Variants in KCND3 observed in about 807,000 individuals in gnomAD.
KCND3 encodes the protein potassium voltage-gated channel subfamily D member 3.
A neutral mutation model predicts 51.1 loss-of-function variants in KCND3; 9 were observed. The ratio of observed to expected loss-of-function variants is 0.18; its 90% CI spans 0.11 to 0.31. The LOEUF is 0.31. Ranked by LOEUF, KCND3 falls within the 10% of genes least tolerant of loss-of-function variation. KCND3 has a pLI of 1.00. For missense variants in KCND3, 526 were observed against 903.8 expected, an observed-to-expected ratio of 0.58 and a Z score of 5.36; for synonymous variants, 349 against 368.0, an observed-to-expected ratio of 0.95 and a Z score of 0.59.
intron 2 of KCND3, among the ~76,000 whole-genome samples, chr1:111,873,541 G>A (rs1486832705): frequency 2.0e-5 from 3 of 152,148 alleles, no homozygotes; most frequent in Non-Finnish European, 2.9e-5. Context: ...GAATAAGAGA[G>A]TGATGTTTTG....
chr1:111,946,918 T>C (rs540233174), intron 2 of KCND3, among the ~76,000 whole-genome samples: 70 of 152,348 alleles, frequency 4.6e-4, no homozygotes, highest in Non-Finnish European at 7.8e-4. Context: ...AATGGCAGAC[T>C]CAGGATTAGT....
chr1:111,969,767 C>T (rs1418979989), intron 2 of KCND3, among the ~76,000 whole-genome samples: 2 of 152,152 alleles, frequency 1.3e-5, no homozygotes, highest in African/African-American at 4.8e-5. Flanking sequence ...CACCTTCTGG[C>T]TAACAACCCT....
At chr1:111,777,773 G>A (rs769595888) in intron 6 of KCND3, among the ~76,000 whole-genome samples, 13 of 152,194 alleles carry the variant, frequency 8.5e-5, no homozygotes, top group Non-Finnish European at 1.9e-4. Flanking sequence ...GGAGAGCACT[G>A]ATCCTGAAGG....
At chr1:111,805,009 T>C (rs541362101) in intron 2 of KCND3, among the ~76,000 whole-genome samples, 60 of 152,102 alleles carry the variant, frequency 3.9e-4, no homozygotes, top group African/African-American at 1.4e-3. Flanking sequence ...ACAGCACGGG[T>C]GAAGCACAGG....
At chr1:111,896,196 A>G (rs894848) in intron 2 of KCND3, among the ~76,000 whole-genome samples, 134,604 of 151,948 alleles carry the variant, frequency 0.89, 59,673 homozygotes, top group East Asian at 0.98. Context: ...CGTCAGAGCA[A>G]ACCCGGAACC....
intron 2 of KCND3, among the ~76,000 whole-genome samples, chr1:111,922,542 C>T (rs1202771856): frequency 6.6e-6 from 1 of 152,184 alleles, no homozygotes; most frequent in Admixed American, 6.5e-5. Context: ...AGCTGTGTGA[C>T]TTCAGGAAAG....
chr1:111,926,386 T>C (rs1671698696), intron 2 of KCND3, among the ~76,000 whole-genome samples: 1 of 152,204 alleles, frequency 6.6e-6, no homozygotes, highest in East Asian at 1.9e-4. Context: ...CAACCTCTTA[T>C]TAAAGATGAG....
chr1:111,880,077 C>T (rs1056032226), intron 2 of KCND3, among the ~76,000 whole-genome samples: 3 of 152,154 alleles, frequency 2.0e-5, no homozygotes, highest in East Asian at 1.9e-4. Context: ...CCTATAGTAG[C>T]GCTATATACA....
intron 2 of KCND3, among the ~76,000 whole-genome samples, chr1:111,950,890 G>C (rs1378308419): frequency 6.6e-6 from 1 of 152,184 alleles, no homozygotes; most frequent in East Asian, 1.9e-4. Context: ...GAAATAGTGG[G>C]CTGCACATTG....
At chr1:111,864,245 G>T (rs1291899768) in intron 2 of KCND3, among the ~76,000 whole-genome samples, 1 of 152,138 alleles carries the variant, frequency 6.6e-6, no homozygotes, top group East Asian at 1.9e-4. Context: ...CTGGGAAATA[G>T]CACATTCATC....
intron 2 of KCND3, among the ~76,000 whole-genome samples, chr1:111,913,532 C>T (rs952240907): frequency 6.6e-6 from 1 of 152,164 alleles, no homozygotes; most frequent in Non-Finnish European, 1.5e-5. Context: ...TAACTCTATA[C>T]CAGAACAAAG....
chr1:111,790,679 C>T (rs1664788363), intron 2 of KCND3, among the ~76,000 whole-genome samples: 1 of 152,170 alleles, frequency 6.6e-6, no homozygotes, highest in Admixed American at 6.5e-5. Flanking sequence ...AATTTTAGAG[C>T]ACTTCATAAC....
intron 2 of KCND3, among the ~76,000 whole-genome samples, chr1:111,928,407 C>G (rs1443927): frequency 0.23 from 35,026 of 151,884 alleles, 4,489 homozygotes; most frequent in Non-Finnish European, 0.3. Flanking sequence ...ACAAAAAACG[C>G]AGATCATGGC....
intron 2 of KCND3, among the ~76,000 whole-genome samples, chr1:111,915,937 G>T (rs1414313642): frequency 6.6e-6 from 1 of 151,614 alleles, no homozygotes; most frequent in Non-Finnish European, 1.5e-5. Context: ...AGCAAAAGTT[G>T]ATATAAAGAA....
chr1:111,828,184 C>T (rs1666663526), intron 2 of KCND3, among the ~76,000 whole-genome samples: 1 of 151,936 alleles, frequency 6.6e-6, no homozygotes, highest in South Asian at 2.1e-4. Flanking sequence ...TCTATGTTCG[C>T]TGGGCTCAGG....
At chr1:111,972,059 T>C (rs1259224670) in intron 2 of KCND3, among the ~76,000 whole-genome samples, 1 of 152,178 alleles carries the variant, frequency 6.6e-6, no homozygotes, top group Non-Finnish European at 1.5e-5. Context: ...CCTTTAGTGG[T>C]TCCCTAATGC....
At chr1:111,781,546 G>C (rs975215992) in intron 3 of KCND3, among the ~76,000 whole-genome samples, 1 of 152,126 alleles carries the variant, frequency 6.6e-6, no homozygotes, top group Non-Finnish European at 1.5e-5. Context: ...TTTTGAGACG[G>C]AGTCTCGCTG....
intron 2 of KCND3, among the ~76,000 whole-genome samples, chr1:111,812,665 G>A (rs2101577477): frequency 6.6e-6 from 1 of 152,296 alleles, no homozygotes; most frequent in South Asian, 2.1e-4. Flanking sequence ...GGCCTCATTT[G>A]CTTAATAACC....
At chr1:111,952,449 T>C (rs1673110726) in intron 2 of KCND3, among the ~76,000 whole-genome samples, 1 of 152,174 alleles carries the variant, frequency 6.6e-6, no homozygotes. Context: ...CTGGGGCAAC[T>C]TTGACAGAGT....
Sources: gnomAD v4.1 joint callset for allele counts (sites outside exome capture counted in the v4.1 genomes callset) on GRCh38, gnomAD v4.1.1 for gene constraint, MANE v1.5 for transcripts, NCBI Gene and HGNC (gene_info 2026-07-23, HGNC 2026-07-21) for gene names.